Variants in ARHGAP32 observed in about 807,000 individuals in gnomAD.
The protein encoded by ARHGAP32 is Rho GTPase activating protein 32, also known as rho GTPase-activating protein 32.
Under a neutral mutation model 186.5 loss-of-function variants are expected in ARHGAP32, and 51 were observed. The ratio of observed to expected loss-of-function variants is 0.27; its 90% CI spans 0.22 to 0.35. The LOEUF (loss-of-function observed/expected upper bound fraction) is 0.35, where lower values mean the gene tolerates loss of function less well. Among genes scored for constraint, ARHGAP32 ranks in the 10% least tolerant of loss-of-function variants. ARHGAP32 has a pLI of 1.00. For missense variants in ARHGAP32, 2,186 were observed against 2,623.5 expected (o/e 0.83, Z 3.64); for synonymous variants, 950 against 964.3 (o/e 0.99, Z 0.27).
At chr11:129,114,077 A>G (rs1942299368) in intron 5 of ARHGAP32, among the ~76,000 whole-genome samples, 1 of 151,964 alleles carries the variant, frequency 6.6e-6, no homozygotes, top group Admixed American at 6.6e-5. Flanking sequence ...GCCCCCTTAC[A>G]TCTGGATAAT....
intron 1 of ARHGAP32, among the ~76,000 whole-genome samples, chr11:129,254,973 T>G (rs930713577): frequency 3.9e-5 from 6 of 152,166 alleles, no homozygotes; most frequent in Non-Finnish European, 8.8e-5. Flanking sequence ...ACTGGATTAA[T>G]GCCAGTATTT....
chr11:129,172,864 C>T (rs1025923592), intron 1 of ARHGAP32, among the ~76,000 whole-genome samples: 4 of 151,562 alleles, frequency 2.6e-5, no homozygotes, highest in Non-Finnish European at 4.4e-5. Context: ...CAAATGGACA[C>T]CCGAACATCA....
intron 6 of ARHGAP32, among the ~76,000 whole-genome samples, chr11:129,090,903 A>T (rs1316769858): frequency 6.6e-6 from 1 of 152,142 alleles, no homozygotes; most frequent in Non-Finnish European, 1.5e-5. Flanking sequence ...TAGAATTTTT[A>T]TTAATTTCCA....
At chr11:129,185,387 G>C (rs557534829) in intron 1 of ARHGAP32, among the ~76,000 whole-genome samples, 1 of 152,134 alleles carries the variant, frequency 6.6e-6, no homozygotes, top group Non-Finnish European at 1.5e-5. Flanking sequence ...TTACTCATAG[G>C]TGGGAATTGA....
At chr11:129,272,867 T>C (rs537030638) in intron 1 of ARHGAP32, among the ~76,000 whole-genome samples, 4 of 152,342 alleles carry the variant, frequency 2.6e-5, no homozygotes, top group South Asian at 4.1e-4. Context: ...TATCCGTTGA[T>C]TGCATTTCTA....
intron 1 of ARHGAP32, among the ~76,000 whole-genome samples, chr11:129,229,257 A>C (rs1300405901): frequency 6.6e-6 from 1 of 152,222 alleles, no homozygotes; most frequent in Non-Finnish European, 1.5e-5. Context: ...ACATACTTAT[A>C]AAGTGTGTAC....
At chr11:129,209,826 G>A (rs1409351885) in intron 1 of ARHGAP32, among the ~76,000 whole-genome samples, 2 of 152,088 alleles carry the variant, frequency 1.3e-5, no homozygotes, top group Non-Finnish European at 2.9e-5. Flanking sequence ...CTTAGAACAC[G>A]AAGGATACCA....
intron 6 of ARHGAP32, among the ~76,000 whole-genome samples, chr11:129,074,316 T>C (rs79003996): frequency 0.015 from 2,216 of 152,304 alleles, 54 homozygotes; most frequent in African/African-American, 0.051. Flanking sequence ...TATATACTTA[T>C]GTATGATTTC....
chr11:129,003,158 G>A (rs1218095517), intron 11 of ARHGAP32, among the ~76,000 whole-genome samples: 1 of 152,118 alleles, frequency 6.6e-6, no homozygotes, highest in Non-Finnish European at 1.5e-5. Flanking sequence ...ATATGGTATT[G>A]TCCTTCATTC....
chr11:129,141,109 AAAGC>A (rs1238841453), intron 2 of ARHGAP32, among the ~76,000 whole-genome samples: 1 of 152,244 alleles, frequency 6.6e-6, no homozygotes, highest in Non-Finnish European at 1.5e-5. Context: ...TTTAAATGGA[AAAGC>A]AAGGAAATAT....
chr11:129,131,954 G>C (rs1942820536), intron 2 of ARHGAP32, among the ~76,000 whole-genome samples: 1 of 152,044 alleles, frequency 6.6e-6, no homozygotes, highest in African/African-American at 2.4e-5. Flanking sequence ...TTATTTTTAA[G>C]TTCTGGGGTA....
At chr11:129,257,203 T>C (rs376272344) in intron 1 of ARHGAP32, among the ~76,000 whole-genome samples, 25 of 152,324 alleles carry the variant, frequency 1.6e-4, no homozygotes, top group African/African-American at 5.8e-4. Context: ...AAATCTGCTA[T>C]ACCATGGTGT....
intron 1 of ARHGAP32, among the ~76,000 whole-genome samples, chr11:129,236,276 G>A (rs2135652007): frequency 6.6e-6 from 1 of 152,152 alleles, no homozygotes; most frequent in South Asian, 2.1e-4. Context: ...CAGGAGTGAG[G>A]TAGTATTGCA....
At chr11:128,999,867 A>G (rs1946308200) in intron 11 of ARHGAP32, among the ~76,000 whole-genome samples, 1 of 152,222 alleles carries the variant, frequency 6.6e-6, no homozygotes, top group Non-Finnish European at 1.5e-5. Flanking sequence ...ATGTTACAGG[A>G]TTATAAGAGG....
chr11:129,059,792 CT>C (rs1565401419), intron 10 of ARHGAP32, among the ~76,000 whole-genome samples: 1 of 152,092 alleles, frequency 6.6e-6, no homozygotes, highest in African/African-American at 2.4e-5. Context: ...GCCACTGCCC[CT>C]AGCCTGAATT....
At chr11:129,240,195 C>G (rs545371821) in intron 1 of ARHGAP32, among the ~76,000 whole-genome samples, 17 of 152,014 alleles carry the variant, frequency 1.1e-4, no homozygotes, top group Non-Finnish European at 2.2e-4. Context: ...CCAAGGGTGA[C>G]TAGACATATA....
intron 2 of ARHGAP32, among the ~76,000 whole-genome samples, chr11:129,144,758 A>T (rs12293381): frequency 0.081 from 12,287 of 152,264 alleles, 673 homozygotes; most frequent in Middle Eastern, 0.15. Context: ...AGACTGAAGG[A>T]AAAAACATGA....
intron 1 of ARHGAP32, among the ~76,000 whole-genome samples, chr11:129,216,766 A>C (rs1361932200): frequency 1.3e-5 from 2 of 151,726 alleles, no homozygotes; most frequent in Middle Eastern, 3.2e-3. Flanking sequence ...ACAATTTTTA[A>C]ATTCTTCAAC....
intron 1 of ARHGAP32, among the ~76,000 whole-genome samples, chr11:129,246,341 CAGTT>C (rs1198343355): frequency 3.3e-5 from 5 of 152,130 alleles, no homozygotes; most frequent in Non-Finnish European, 5.9e-5. Flanking sequence ...ATAAGGGACT[CAGTT>C]AGAAAAAGTA....
Sources: gnomAD v4.1 joint callset for allele counts (sites outside exome capture counted in the v4.1 genomes callset) on GRCh38, gnomAD v4.1.1 for gene constraint, MANE v1.5 for transcripts, NCBI Gene and HGNC (gene_info 2026-07-23, HGNC 2026-07-21) for gene names.